Variants in HACD4 observed in about 807,000 individuals in gnomAD.
HACD4 encodes very-long-chain (3R)-3-hydroxyacyl-CoA dehydratase 4.
In HACD4, 35 loss-of-function variants were observed where a neutral mutation model predicts 33.3. That is an observed-to-expected ratio of 1.05 (90% CI 0.80 to 1.39). The LOEUF is 1.39. Among genes scored for constraint, HACD4 ranks in the 40% most tolerant of loss-of-function variants. HACD4 has a pLI of 0.00. For synonymous variants in HACD4, 118 were observed against 98.0 expected (o/e 1.20, Z -1.21); for missense variants, 323 against 276.5 (o/e 1.17, Z -1.19).
chr9:21,002,515 A>G lies in HACD4; in HGVS notation c.*4522T>C, dbSNP rs1842182111. 6.6e-6 allele frequency: 1 copy of G among 152,148 alleles called. No individual in the cohort carries two copies. Among genetic ancestry groups the G allele is most frequent in the Non-Finnish European group, 1.5e-5 (1 of 67,986 alleles). 9.4% of individuals were successfully genotyped at this position (152,148 alleles called of 1,614,324 possible). ...TGAGGTACTTAGAGCAATCAAAATC[A>G]TAGAGACAAAAAGTAGACTGGTGGT... On this transcript the variant is annotated 3_prime_UTR_variant, in exon 7 of 7. Coordinates refer to ENST00000495827, the MANE Select transcript of HACD4 (RefSeq NM_001010915.5).
At chr9:21,026,225 G>C (rs1818057104) in intron 3 of HACD4, among the ~76,000 whole-genome samples, 1 of 152,152 alleles carries the variant, frequency 6.6e-6, no homozygotes, top group African/African-American at 2.4e-5. Flanking sequence ...AGTATGGGTG[G>C]TATGATCCCA....
intron 5 of HACD4, 37 bp from the exon 6 acceptor site, chr9:21,008,183 CTTAAG>C: frequency 6.4e-7 from 1 of 1,573,384 alleles, no homozygotes; most frequent in Non-Finnish European, 8.6e-7. Flanking sequence ...GGTATTCCTC[CTTAAG>C]TTGTTACAGG....
At chr9:21,018,510 C>G (rs868197114) in intron 3 of HACD4, among the ~76,000 whole-genome samples, 3 of 152,286 alleles carry the variant, frequency 2.0e-5, no homozygotes, top group Middle Eastern at 6.8e-3. Context: ...AAACAAGAGC[C>G]TCCTTGATTT....
chr9:21,020,804 C>T (rs535467694), intron 3 of HACD4, among the ~76,000 whole-genome samples: 11 of 152,144 alleles, frequency 7.2e-5, no homozygotes, highest in South Asian at 6.2e-4. Context: ...TAAATAGCTA[C>T]GCTATGGTTT....
At position 21,000,038 on chromosome 9, in the gene HACD4, C is replaced by T. The variant is rs1397033249; in HGVS notation, c.*6999G>A. 1 of 152,114 alleles carries T rather than the reference C, an allele frequency of 6.6e-6. No individual in the cohort carries two copies. The highest frequency in any genetic ancestry group is 6.5e-5 in the Admixed American group (1 of 15,278). 9.4% of individuals were successfully genotyped at this position (152,114 alleles called of 1,614,324 possible). A position where few individuals can be genotyped will look rare whatever the true frequency, so the allele number is the denominator to read the frequency against. On this transcript the variant is annotated 3_prime_UTR_variant, in exon 7 of 7. Transcript: ENST00000495827. ...GTTAGTAAATAATGGAGCTTGATCT[C>T]AAATCAAACCTAGTGCTCTTAATTC...
At position 21,029,401 on chromosome 9, in the gene HACD4, A is replaced by G. The variant is rs201174106; in HGVS notation, c.39-3T>C. ...AAAGATACGCATTCTTCCTATACCT[A>G]TAAATACAGGAAAATACCATTAAAC... On this transcript the variant is annotated splice_polypyrimidine_tract_variant and splice_region_variant and intron_variant, in intron 1 of 6. Coordinates refer to ENST00000495827, the MANE Select transcript of HACD4 (RefSeq NM_001010915.5). 33 of 1,515,188 alleles carry G rather than the reference A, an allele frequency of 2.2e-5. No homozygotes were observed. Among genetic ancestry groups the G allele is most frequent in the Non-Finnish European group, 2.6e-5 (29 of 1,097,260 alleles). 93.9% of individuals were successfully genotyped at this position (1,515,188 alleles called of 1,614,324 possible). A position where few individuals can be genotyped will look rare whatever the true frequency, so the allele number is the denominator to read the frequency against.
rs187174876 is a variant in HACD4 at position 21,008,455 on chromosome 9, G to T, written c.491-309C>A. ...TTTGTCCACCTAGCCACAAATAGGG[G>T]TGATAGAGAGATGAACTTGGAAAAT... On this transcript the variant is annotated intron_variant, in intron 5 of 6. Coordinates refer to ENST00000495827, the MANE Select transcript of HACD4 (RefSeq NM_001010915.5). Among the ~76,000 whole-genome samples, 29 of 152,234 alleles carry T rather than the reference G, an allele frequency of 1.9e-4. No individual in the cohort carries two copies. The East Asian group carries it at 5.2e-3, about 27-fold the overall frequency.
At chr9:21,009,032 C>A (rs948869150) in intron 5 of HACD4, among the ~76,000 whole-genome samples, 1 of 152,150 alleles carries the variant, frequency 6.6e-6, no homozygotes, top group Non-Finnish European at 1.5e-5. Flanking sequence ...AAGGTTAACA[C>A]AGGCCGCACC....
intron 1 of HACD4, among the ~76,000 whole-genome samples, chr9:21,029,843 C>T (rs1818161278): frequency 6.6e-6 from 1 of 152,146 alleles, no homozygotes; most frequent in African/African-American, 2.4e-5. Context: ...ATGCGGCCGA[C>T]TGGGAGCTGC....
rs927068336 is a variant in HACD4 at position 20,999,921 on chromosome 9, T to C, written c.*7116A>G. ...AATGTCCTACTTCTGCAAAGCCCTT[T>C]ATAATTTGCAAAAGTTTAATTTACC... is the stretch of plus-strand genomic sequence containing the variant. On this transcript the variant is annotated 3_prime_UTR_variant, in exon 7 of 7. Coordinates refer to ENST00000495827, the MANE Select transcript of HACD4 (RefSeq NM_001010915.5). The C allele has an allele frequency of 4.6e-5, 7 of 151,834 alleles. No homozygotes were observed. The highest frequency in any genetic ancestry group is 1.7e-4 in the African/African-American group (7 of 41,100). 9.4% of individuals were successfully genotyped at this position (151,834 alleles called of 1,614,324 possible).
chr9:21,010,722 CA>C (rs1330262326), intron 5 of HACD4, among the ~76,000 whole-genome samples: 9 of 152,064 alleles, frequency 5.9e-5, no homozygotes, highest in Non-Finnish European at 8.8e-5. Flanking sequence ...TTATACAACT[CA>C]CCATAATGCA....
At position 21,005,900 on chromosome 9, in the gene HACD4, T is replaced by G. The variant is rs928646609; in HGVS notation, c.*1137A>C. ...TTTGGGAATAGGAATGTCCACCCTTTGTGTGTCCCACCATTGTACTGTGGA... is the reference window on the plus strand; with the variant it reads ...TTTGGGAATAGGAATGTCCACCCTTGGTGTGTCCCACCATTGTACTGTGGA... On this transcript the variant is annotated 3_prime_UTR_variant, in exon 7 of 7. Transcript: ENST00000495827. The surrounding 1 kb of genome is among the most constrained non-coding windows in gnomAD (Gnocchi z 4.0). 2 of 152,268 alleles carry G rather than the reference T, an allele frequency of 1.3e-5. No homozygotes were observed. Among genetic ancestry groups the G allele is most frequent in the East Asian group, 1.9e-4 (1 of 5,202 alleles). The allele number at this position is 152,268 out of a possible 1,614,324, so 9.4% of individuals were successfully genotyped here.
At position 21,016,234 on chromosome 9, in the gene HACD4, CAT is replaced by C. The variant is rs555851071; in HGVS notation, c.271-226_271-225del. The stretch of plus-strand genomic sequence containing the variant: ...TAATATATAATGAATGAAAAAATGA[CAT>C]ATATTTTATGTGAATCAGGATATTT... On this transcript the variant is annotated intron_variant, in intron 3 of 6. Transcript: ENST00000495827. Among the ~76,000 whole-genome samples, 237 of 152,196 alleles carry C rather than the reference CAT, an allele frequency of 1.6e-3. 3 individuals carry two copies. The highest frequency in any genetic ancestry group is 5.5e-3 in the African/African-American group (228 of 41,524).
Position 21,031,581 on chromosome 9 carries a change from A to G in HACD4, c.10T>C (p.Leu4=), listed in dbSNP as rs1311022267. Reference sequence around the variant, plus strand: ...GGCTGCAGCCAGGCGGGCAGCGCCAAGGGCCCCATGGGCCGCCGCCGCCAG... The same window carrying G: ...GGCTGCAGCCAGGCGGGCAGCGCCAGGGGCCCCATGGGCCGCCGCCGCCAG... The part of the protein sequence containing the change: MGP[L]ALPAWLQPRY... Residue 4 remains leucine, a synonymous_variant, in exon 1 of 7, where the codon TTG becomes CTG. Coordinates refer to ENST00000495827, the MANE Select transcript of HACD4 (RefSeq NM_001010915.5). The G allele has an allele frequency of 2.8e-6, 4 of 1,446,884 alleles. No individual in the cohort carries two copies. The highest frequency in any genetic ancestry group is 9.0e-7 in the Non-Finnish European group (1 of 1,105,692). 89.6% of individuals were successfully genotyped at this position (1,446,884 alleles called of 1,614,324 possible).
Position 21,011,614 on chromosome 9 carries a change from A to T in HACD4, c.465T>A (p.Ile155=), listed in dbSNP as rs757048437. ...CTTCAGCAAGAACACACAAAGGATA[A>T]ATTGGCATCCATAGTGTTTGACTGA... ...TWLSQTLWMP[I]YPLCVLAEAF... Residue 155 remains isoleucine, a synonymous_variant, in exon 5 of 7, where the codon ATT becomes ATA. Transcript: ENST00000495827. 2 of 1,607,974 alleles carry T rather than the reference A, an allele frequency of 1.2e-6. No individual in the cohort carries two copies. Among genetic ancestry groups the T allele is most frequent in the Non-Finnish European group, 1.7e-6 (2 of 1,174,642 alleles).
At chr9:21,018,806 G>T (rs1347808568) in intron 3 of HACD4, among the ~76,000 whole-genome samples, 1 of 134,896 alleles carries the variant, frequency 7.4e-6, no homozygotes, top group Non-Finnish European at 1.6e-5. Flanking sequence ...TAATAAAAAT[G>T]CTGGGCATTT....
intron 2 of HACD4, among the ~76,000 whole-genome samples, chr9:21,027,756 T>C (rs928005605): frequency 6.6e-6 from 1 of 152,242 alleles, no homozygotes; most frequent in Non-Finnish European, 1.5e-5. Flanking sequence ...CACTTAGTTG[T>C]TTTCAGTCTG....
In HACD4 at chr9:21,006,983, A is replaced by G; in HGVS notation, c.*54T>C. Reference sequence around the variant, plus strand: ...CCAGAATACTTCCTGTGTTTTATTTACTGCACTGAATCCACAGCCTGTCTT... The same window carrying G: ...CCAGAATACTTCCTGTGTTTTATTTGCTGCACTGAATCCACAGCCTGTCTT... On this transcript the variant is annotated 3_prime_UTR_variant, in exon 7 of 7. Coordinates refer to ENST00000495827, the MANE Select transcript of HACD4 (RefSeq NM_001010915.5). The surrounding 1 kb of genome is among the most constrained non-coding windows in gnomAD (Gnocchi z 4.6). 1.0e-6 allele frequency: 1 copy of G among 966,944 alleles called. No individual in the cohort carries two copies. The highest frequency in any genetic ancestry group is 1.7e-6 in the Non-Finnish European group (1 of 590,320). The allele number at this position is 966,944 out of a possible 1,614,324, so 59.9% of individuals were successfully genotyped here. A position where few individuals can be genotyped will look rare whatever the true frequency, so the allele number is the denominator to read the frequency against.
At chr9:21,011,784 C>A (rs1387363989) in intron 4 of HACD4, 89 bp from the exon 5 acceptor site, 2 of 672,312 alleles carry the variant, frequency 3.0e-6, no homozygotes, top group Admixed American at 5.9e-5. Context: ...TACAGAGATA[C>A]AACTGGAAAG....
Sources: allele counts gnomAD v4.1 joint callset (sites outside exome capture counted in the v4.1 genomes callset), GRCh38; gene constraint gnomAD v4.1.1; non-coding constraint Gnocchi (gnomAD v3.1); transcripts MANE v1.5; gene names NCBI Gene and HGNC (gene_info 2026-07-23, HGNC 2026-07-21).